The following ADCY2 variants were observed in gnomAD, a reference collection of about 807,000 sequenced individuals.
ADCY2 encodes adenylate cyclase 2.
In ADCY2, 31 loss-of-function variants were observed where a neutral mutation model predicts 125.2. The ratio of observed to expected loss-of-function variants is 0.25; its 90% CI spans 0.19 to 0.33. ADCY2 has a LOEUF of 0.33. Ranked by LOEUF, ADCY2 falls within the 10% of genes least tolerant of loss-of-function variation. The pLI is 1.00. For synonymous variants in ADCY2, 512 were observed against 548.4 expected (o/e 0.93, Z 0.93); for missense variants, 904 against 1,418.2 (o/e 0.64, Z 5.82).
chr5:7,758,194 A>G (rs1194432850), intron 16 of ADCY2, among the ~76,000 whole-genome samples: 1 of 152,202 alleles, frequency 6.6e-6, no homozygotes, highest in African/African-American at 2.4e-5. Context: ...GGTGGTTCTA[A>G]GGATTCAATG....
At chr5:7,786,083 G>A (rs543368052) in intron 19 of ADCY2, among the ~76,000 whole-genome samples, 102 of 152,246 alleles carry the variant, frequency 6.7e-4, no homozygotes, top group African/African-American at 2.4e-3. Context: ...TTTACATCTA[G>A]AGGCCTAGAA....
chr5:7,438,481 G>A (rs902927984), intron 2 of ADCY2, among the ~76,000 whole-genome samples: 4 of 152,230 alleles, frequency 2.6e-5, no homozygotes, highest in Non-Finnish European at 5.9e-5. Flanking sequence ...GGCTAGCAGA[G>A]AGAGGGTAGC....
At chr5:7,688,965 C>G (rs545609733) in intron 4 of ADCY2, among the ~76,000 whole-genome samples, 1 of 152,120 alleles carries the variant, frequency 6.6e-6, no homozygotes, top group Non-Finnish European at 1.5e-5. Context: ...CAAGTTTATG[C>G]GTTTTGGGGA....
intron 4 of ADCY2, among the ~76,000 whole-genome samples, chr5:7,677,385 C>A (rs1355773550): frequency 6.6e-6 from 1 of 152,184 alleles, no homozygotes; most frequent in Non-Finnish European, 1.5e-5. Context: ...CAAGCTGTGG[C>A]AGATGGAAAA....
At chr5:7,416,025 A>C (rs1055237370) in intron 2 of ADCY2, among the ~76,000 whole-genome samples, 1 of 152,180 alleles carries the variant, frequency 6.6e-6, no homozygotes, top group Non-Finnish European at 1.5e-5. Context: ...GAAGAGAGCC[A>C]GTGAGGGTAC....
intron 18 of ADCY2, among the ~76,000 whole-genome samples, chr5:7,779,390 G>A (rs7704053): frequency 0.14 from 21,239 of 152,210 alleles, 2,305 homozygotes; most frequent in East Asian, 0.62. Flanking sequence ...AGAATGTGCA[G>A]TGTTTCTAAT....
At chr5:7,661,874 G>A (rs1739547876) in intron 4 of ADCY2, among the ~76,000 whole-genome samples, 1 of 152,150 alleles carries the variant, frequency 6.6e-6, no homozygotes, top group African/African-American at 2.4e-5. Flanking sequence ...AGTGTTTAGA[G>A]TGTTTTTGTC....
chr5:7,608,266 C>G (rs1420503217), intron 3 of ADCY2, among the ~76,000 whole-genome samples: 1 of 152,136 alleles, frequency 6.6e-6, no homozygotes, highest in Non-Finnish European at 1.5e-5. Flanking sequence ...AGGGAAATAA[C>G]ACAGTTGGAG....
rs1171950285 is a variant in ADCY2, at chr5:7,572,874, G to A, written c.570+51975G>A. Reference sequence around the variant, plus strand: ...TGAGTAGCCAGTTATTCCCCACAAAGTTTATATGTAGAAGTCCTAACCCCT... The same window carrying A: ...TGAGTAGCCAGTTATTCCCCACAAAATTTATATGTAGAAGTCCTAACCCCT... On this transcript the variant is annotated intron_variant, in intron 3 of 24. Coordinates refer to ENST00000338316, the MANE Select transcript of ADCY2 (RefSeq NM_020546.3). Among the ~76,000 whole-genome samples the A allele has an allele frequency of 2.6e-5, 4 of 152,044 alleles. No homozygotes were observed. In the East Asian group the frequency reaches 7.7e-4, roughly 29 times the overall value.
intron 4 of ADCY2, among the ~76,000 whole-genome samples, chr5:7,655,771 TTTTA>T (rs1739300879): frequency 6.6e-6 from 1 of 152,150 alleles, no homozygotes; most frequent in African/African-American, 2.4e-5. Flanking sequence ...AAAGTACATG[TTTTA>T]TTTGTCAGAA....
At chr5:7,814,835 C>G (rs2126535416) in intron 22 of ADCY2, among the ~76,000 whole-genome samples, 1 of 152,308 alleles carries the variant, frequency 6.6e-6, no homozygotes, top group Non-Finnish European at 1.5e-5. Context: ...TGATTTAGCT[C>G]CCTTTGGGCT....
At chr5:7,432,708 C>T (rs1740648774) in intron 2 of ADCY2, among the ~76,000 whole-genome samples, 2 of 152,220 alleles carry the variant, frequency 1.3e-5, no homozygotes, top group Non-Finnish European at 2.9e-5. Flanking sequence ...CAGTGAAGTA[C>T]TGCTATGTAC....
intron 4 of ADCY2, among the ~76,000 whole-genome samples, chr5:7,652,242 C>T (rs572563084): frequency 1.3e-5 from 2 of 152,112 alleles, no homozygotes; most frequent in African/African-American, 2.4e-5. Flanking sequence ...TGCTTATAGC[C>T]GTGGGCACTT....
At chr5:7,806,907 T>C (rs1383578964) in intron 22 of ADCY2, among the ~76,000 whole-genome samples, 3 of 152,220 alleles carry the variant, frequency 2.0e-5, no homozygotes, top group African/African-American at 7.2e-5. Context: ...TTATTTCTCA[T>C]GATTGCTGAG....
chr5:7,528,068 A>G (rs1367336013), intron 3 of ADCY2, among the ~76,000 whole-genome samples: 2 of 152,202 alleles, frequency 1.3e-5, no homozygotes, highest in East Asian at 1.9e-4. Flanking sequence ...AGTAGAATCC[A>G]TCTCTTAGGT....
chr5:7,670,566 G>A (rs1739900570), intron 4 of ADCY2, among the ~76,000 whole-genome samples: 1 of 152,202 alleles, frequency 6.6e-6, no homozygotes, highest in African/African-American at 2.4e-5. Context: ...CATGGAATAT[G>A]TGCACACATG....
intron 3 of ADCY2, among the ~76,000 whole-genome samples, chr5:7,579,926 C>T (rs923737089): frequency 1.3e-5 from 2 of 152,204 alleles, no homozygotes; most frequent in African/African-American, 4.8e-5. Flanking sequence ...TTGAATTCCA[C>T]AGAGCCATAA....
At position 7,698,161 on chromosome 5, in the gene ADCY2, A is replaced by G; in HGVS notation, c.982-86A>G. The G allele has an allele frequency of 5.2e-6, 8 of 1,539,934 alleles. No homozygotes were observed. The South Asian group carries it at 9.1e-5, about 18-fold the overall frequency. ...CAGATGCCCCTGGAATGGTGTGAGC[A>G]GAGCTGGCGCTTGATGATATTACAT... On this transcript the variant is annotated intron_variant, in intron 6 of 24. Coordinates refer to ENST00000338316, the MANE Select transcript of ADCY2 (RefSeq NM_020546.3).
intron 2 of ADCY2, among the ~76,000 whole-genome samples, chr5:7,502,394 G>A (rs1372523358): frequency 6.6e-6 from 1 of 152,032 alleles, no homozygotes; most frequent in Admixed American, 6.6e-5. Context: ...TCCAGAGAGT[G>A]GAGAAGGCAT....
Sources: allele counts gnomAD v4.1 joint callset (sites outside exome capture counted in the v4.1 genomes callset), GRCh38; gene constraint gnomAD v4.1.1; transcripts MANE v1.5; gene names NCBI Gene and HGNC (gene_info 2026-07-23, HGNC 2026-07-21).